PDE4D: variants seen among roughly 807,000 people sequenced by gnomAD.
PDE4D encodes 3',5'-cyclic-AMP phosphodiesterase 4D.
Under a neutral mutation model 87.4 loss-of-function variants are expected in PDE4D, and 24 were observed. The ratio of observed to expected loss-of-function variants is 0.27; its 90% CI spans 0.20 to 0.39. PDE4D has a LOEUF of 0.39. Among genes scored for constraint, PDE4D ranks in the 10% least tolerant of loss-of-function variants. The pLI is 1.00. For missense variants in PDE4D, 714 were observed against 1,041.0 expected, an observed-to-expected ratio of 0.69 and a Z score of 4.32; for synonymous variants, 384 against 383.2, an observed-to-expected ratio of 1.00 and a Z score of -0.02.
intron 6 of PDE4D, among the ~76,000 whole-genome samples, chr5:59,034,316 A>G (rs1580428197): frequency 6.6e-6 from 1 of 152,298 alleles, no homozygotes; most frequent in East Asian, 1.9e-4. Context: ...TTTTTAATCT[A>G]AGATTTAATA....
chr5:60,122,696 T>C (rs1351825775), intron 2 of PDE4D, among the ~76,000 whole-genome samples: 1 of 152,228 alleles, frequency 6.6e-6, no homozygotes, highest in Non-Finnish European at 1.5e-5. Context: ...ACCTCTGAGA[T>C]ACTCTGGAGA....
At chr5:59,087,356 C>T (rs1457297497) in intron 5 of PDE4D, among the ~76,000 whole-genome samples, 4 of 152,078 alleles carry the variant, frequency 2.6e-5, no homozygotes, top group East Asian at 1.9e-4. Flanking sequence ...CACAGTGGTG[C>T]GTGCTTATAG....
upstream of PDE4D, chr5:60,490,191 A>G (rs1749455864): frequency 6.6e-6 from 1 of 152,202 alleles, no homozygotes; most frequent in Non-Finnish European, 1.5e-5. Context: ...TCACTCCAGA[A>G]CACATTCATG....
chr5:60,431,736 G>A (rs950434987), intron 1 of PDE4D, among the ~76,000 whole-genome samples: 9 of 152,144 alleles, frequency 5.9e-5, no homozygotes, highest in African/African-American at 2.2e-4. Flanking sequence ...GGGAGGTGGA[G>A]GTTGTAGCGA....
chr5:60,105,424 T>C (rs1261677011), intron 2 of PDE4D, among the ~76,000 whole-genome samples: 1 of 152,200 alleles, frequency 6.6e-6, no homozygotes, highest in Non-Finnish European at 1.5e-5. Flanking sequence ...TGGAACCAAG[T>C]TGGAAAACAC....
intron 5 of PDE4D, among the ~76,000 whole-genome samples, chr5:59,163,999 T>C (rs1408396435): frequency 1.3e-5 from 2 of 152,266 alleles, no homozygotes; most frequent in Non-Finnish European, 2.9e-5. Flanking sequence ...AACAGTACTT[T>C]AACATTGTTT....
intron 1 of PDE4D, among the ~76,000 whole-genome samples, chr5:59,236,006 A>C (rs1304252503): frequency 1.3e-5 from 2 of 152,110 alleles, no homozygotes; most frequent in Non-Finnish European, 2.9e-5. Context: ...TTTCTTTTGT[A>C]TTATTTATTG....
At chr5:60,402,614 G>C (rs984848474) in intron 1 of PDE4D, among the ~76,000 whole-genome samples, 6 of 152,188 alleles carry the variant, frequency 3.9e-5, no homozygotes, top group Non-Finnish European at 5.9e-5. Flanking sequence ...GAATGTCCTG[G>C]AGCAGTTTTC....
intron 1 of PDE4D, among the ~76,000 whole-genome samples, chr5:59,791,916 G>A (rs942154137): frequency 3.9e-5 from 6 of 152,206 alleles, no homozygotes; most frequent in Admixed American, 2.0e-4. Context: ...CAAAACGAGA[G>A]AATGTGTGAG....
intron 1 of PDE4D, among the ~76,000 whole-genome samples, chr5:59,816,552 A>G (rs985963890): frequency 1.3e-5 from 2 of 152,212 alleles, no homozygotes; most frequent in Non-Finnish European, 2.9e-5. Flanking sequence ...ATGAAAGGCT[A>G]TGCCTATTAT....
chr5:59,964,338 G>A (rs1376295308), intron 3 of PDE4D, among the ~76,000 whole-genome samples: 1 of 152,122 alleles, frequency 6.6e-6, no homozygotes, highest in Non-Finnish European at 1.5e-5. Context: ...ACCAGCGTTT[G>A]GCTTCAGCTG....
chr5:59,148,092 A>C, intron 5 of PDE4D, among the ~76,000 whole-genome samples: 1 of 152,098 alleles, frequency 6.6e-6, no homozygotes, highest in East Asian at 1.9e-4. Context: ...CAAGCCAATA[A>C]TTGATATTCA....
At chr5:60,088,182 T>TA (rs889511690) in intron 2 of PDE4D, among the ~76,000 whole-genome samples, 4 of 150,990 alleles carry the variant, frequency 2.6e-5, no homozygotes, top group Non-Finnish European at 4.4e-5. Flanking sequence ...GAAAAAGAGA[T>TA]AAAAAACTTT....
intron 1 of PDE4D, among the ~76,000 whole-genome samples, chr5:59,403,008 C>CT (rs547948520): frequency 5.9e-5 from 9 of 152,056 alleles, no homozygotes; most frequent in African/African-American, 1.2e-4. Context: ...TATGGAACAA[C>CT]TTTTTGTTTT....
intron 1 of PDE4D, among the ~76,000 whole-genome samples, chr5:59,668,920 A>AGAG (rs1746695944): frequency 7.5e-5 from 5 of 67,000 alleles, no homozygotes; most frequent in African/African-American, 2.8e-4. Context: ...AAGAAGAAGA[A>AGAG]GAAAGAAAGA....
intron 1 of PDE4D, among the ~76,000 whole-genome samples, chr5:59,472,054 GAA>G (rs1230555607): frequency 6.6e-6 from 1 of 152,118 alleles, no homozygotes. Flanking sequence ...AAAACACAGA[GAA>G]AGAGAAGGGA....
At chr5:59,838,242 C>T (rs1486697767) in intron 1 of PDE4D, among the ~76,000 whole-genome samples, 3 of 152,066 alleles carry the variant, frequency 2.0e-5, no homozygotes, top group Admixed American at 1.3e-4. Context: ...CCCACCTCCA[C>T]GTGGCACTAA....
intron 1 of PDE4D, among the ~76,000 whole-genome samples, chr5:59,769,475 C>T (rs1386284028): frequency 1.3e-5 from 2 of 152,164 alleles, no homozygotes; most frequent in East Asian, 3.9e-4. Context: ...GGGTGGAATA[C>T]ATCTAGCTTT....
In PDE4D at chr5:59,678,750, C is replaced by G. The variant is rs1365391123; in HGVS notation, c.455+214418G>C. ...TGCTGGGATTACAGGTGTGAGCCAC[C>G]GCACCTGGCCTGTTTTAAACACCAA... On this transcript the variant is annotated intron_variant, in intron 1 of 14. Coordinates refer to ENST00000340635, the MANE Select transcript of PDE4D (RefSeq NM_001104631.2). 3.3e-5 allele frequency among the ~76,000 whole-genome samples: 5 copies of G among 152,058 alleles called. No individual in the cohort carries two copies. In the East Asian group the frequency reaches 9.6e-4, roughly 29 times the overall value.
Sources: gnomAD v4.1 joint callset for allele counts (sites outside exome capture counted in the v4.1 genomes callset) on GRCh38, gnomAD v4.1.1 for gene constraint, MANE v1.5 for transcripts, NCBI Gene and HGNC (gene_info 2026-07-23, HGNC 2026-07-21) for gene names.